Variants in METTL15 observed in about 807,000 individuals in gnomAD.
The protein encoded by METTL15 is 12S rRNA N(4)-cytidine methyltransferase METTL15.
A neutral mutation model predicts 38.3 loss-of-function variants in METTL15; 34 were observed. The observed-to-expected ratio is 0.89, with a 90% CI of 0.68 to 1.18. The LOEUF (loss-of-function observed/expected upper bound fraction) is 1.18. METTL15 is among the 50% of genes most tolerant of loss of function. METTL15 has a pLI of 0.00. For missense variants in METTL15, 438 were observed against 498.4 expected, an observed-to-expected ratio of 0.88 and a Z score of 1.15; for synonymous variants, 162 against 170.9, an observed-to-expected ratio of 0.95 and a Z score of 0.41.
chr11:28,431,808 G>GAAAAAAAAAAAAAAAAAAAA (rs1186274147), intron 6 of METTL15, among the ~76,000 whole-genome samples: 2 of 87,076 alleles, frequency 2.3e-5, no homozygotes, highest in African/African-American at 4.7e-5. Flanking sequence ...AAAAAAAAAA[G>GAAAAAAAAAAAAAAAAAAAA]AAAAAAAAAA....
intron 4 of METTL15, among the ~76,000 whole-genome samples, chr11:28,219,360 G>T (rs1019749273): frequency 6.6e-6 from 1 of 152,144 alleles, no homozygotes; most frequent in Non-Finnish European, 1.5e-5. Context: ...GGTGTTTATA[G>T]TATTCTGTGA....
intron 3 of METTL15, among the ~76,000 whole-genome samples, chr11:28,135,846 A>G (rs1849496782): frequency 6.6e-6 from 1 of 152,246 alleles, no homozygotes; most frequent in African/African-American, 2.4e-5. Flanking sequence ...CTCTAAAAAC[A>G]AAACAAGGAT....
chr11:28,270,789 A>G (rs1486400848), intron 4 of METTL15, among the ~76,000 whole-genome samples: 1 of 152,160 alleles, frequency 6.6e-6, no homozygotes, highest in Non-Finnish European at 1.5e-5. Flanking sequence ...CCTTGTCTGC[A>G]GGGGTAGTAT....
At chr11:28,304,928 C>G (rs960602557) in intron 6 of METTL15, among the ~76,000 whole-genome samples, 11 of 152,012 alleles carry the variant, frequency 7.2e-5, no homozygotes, top group African/African-American at 2.7e-4. Flanking sequence ...GTTCAGTTTT[C>G]ACTCTGATGG....
chr11:28,460,238 G>A (rs1851203204), intron 6 of METTL15, among the ~76,000 whole-genome samples: 1 of 151,836 alleles, frequency 6.6e-6, no homozygotes, highest in South Asian at 2.1e-4. Flanking sequence ...TTATAAATTG[G>A]CACCGTCTTA....
intron 6 of METTL15, among the ~76,000 whole-genome samples, chr11:28,478,330 G>A (rs1851364850): frequency 6.6e-6 from 1 of 152,172 alleles, no homozygotes; most frequent in South Asian, 2.1e-4. Context: ...ACCACTCACA[G>A]AGATGGTGAT....
chr11:28,173,223 G>A (rs1850924147), intron 3 of METTL15, among the ~76,000 whole-genome samples: 1 of 152,084 alleles, frequency 6.6e-6, no homozygotes, highest in Admixed American at 6.6e-5. Context: ...TTCATATGTT[G>A]CAATTCTTAC....
At chr11:28,366,324 A>G (rs113166467) in intron 5 of METTL15, among the ~76,000 whole-genome samples, 27 of 152,290 alleles carry the variant, frequency 1.8e-4, no homozygotes, top group Middle Eastern at 6.8e-3. Flanking sequence ...GAAGCAGACC[A>G]GAATATGGTG....
intron 6 of METTL15, among the ~76,000 whole-genome samples, chr11:28,490,892 T>G (rs1463129115): frequency 6.6e-6 from 1 of 152,122 alleles, no homozygotes; most frequent in African/African-American, 2.4e-5. Flanking sequence ...TGTATAAAGA[T>G]AGAGACACTC....
intron 6 of METTL15, among the ~76,000 whole-genome samples, chr11:28,322,174 G>A (rs889264704): frequency 1.3e-5 from 2 of 151,960 alleles, no homozygotes; most frequent in Admixed American, 6.6e-5. Context: ...TTGGAAATCT[G>A]TATAAAAATG....
intron 3 of METTL15, among the ~76,000 whole-genome samples, chr11:28,142,737 GAATTCATTGAA>G (rs1228166892): frequency 2.6e-5 from 4 of 152,156 alleles, no homozygotes; most frequent in African/African-American, 9.7e-5. Context: ...AAAGCTGTGG[GAATTCATTGAA>G]AATTCATTAA....
At chr11:28,325,386 A>G (rs760526227) in intron 6 of METTL15, among the ~76,000 whole-genome samples, 2 of 152,180 alleles carry the variant, frequency 1.3e-5, no homozygotes, top group African/African-American at 2.4e-5. Flanking sequence ...CAGGTTATAC[A>G]TAGAAGCTTT....
chr11:28,137,006 A>C (rs1432435200), intron 3 of METTL15, among the ~76,000 whole-genome samples: 1 of 150,556 alleles, frequency 6.6e-6, no homozygotes, highest in Middle Eastern at 3.2e-3. Context: ...GTCTGCTATT[A>C]ATGTCAACCC....
At chr11:28,156,416 T>C (rs1850265656) in intron 3 of METTL15, among the ~76,000 whole-genome samples, 1 of 152,202 alleles carries the variant, frequency 6.6e-6, no homozygotes, top group South Asian at 2.1e-4. Context: ...TAAGAAAGTG[T>C]ATATTTAGTT....
At chr11:28,496,414 AT>A (rs1463144819) in intron 6 of METTL15, among the ~76,000 whole-genome samples, 2 of 152,198 alleles carry the variant, frequency 1.3e-5, no homozygotes, top group African/African-American at 4.8e-5. Flanking sequence ...TCAAGGTGAG[AT>A]TTGGGTGTGG....
intron 3 of METTL15, among the ~76,000 whole-genome samples, chr11:28,142,396 T>C (rs1849730250): frequency 6.6e-6 from 1 of 152,196 alleles, no homozygotes; most frequent in Non-Finnish European, 1.5e-5. Flanking sequence ...TATTTTTGGG[T>C]AAGTGTTAAA....
chr11:28,258,181 A>T (rs1487769661), intron 4 of METTL15, among the ~76,000 whole-genome samples: 2 of 152,154 alleles, frequency 1.3e-5, no homozygotes, highest in Non-Finnish European at 2.9e-5. Context: ...AATTCTCTGG[A>T]TTATTAGGCA....
intron 3 of METTL15, among the ~76,000 whole-genome samples, chr11:28,348,732 GTATT>G (rs1458646313): frequency 2.0e-4 from 26 of 131,366 alleles, no homozygotes; most frequent in African/African-American, 5.7e-4. Flanking sequence ...ATGTATGTAT[GTATT>G]TATATCATTG....
intron 6 of METTL15, among the ~76,000 whole-genome samples, chr11:28,312,109 C>T (rs1012578620): frequency 2.0e-5 from 3 of 152,180 alleles, no homozygotes; most frequent in Non-Finnish European, 2.9e-5. Flanking sequence ...TTAGGATAGG[C>T]GGCCAACTCA....
Sources: gnomAD v4.1 joint callset for allele counts (sites outside exome capture counted in the v4.1 genomes callset) on GRCh38, gnomAD v4.1.1 for gene constraint, MANE v1.5 for transcripts, NCBI Gene and HGNC (gene_info 2026-07-23, HGNC 2026-07-21) for gene names.